Variants in SLC1A4 observed in about 807,000 individuals in gnomAD.
The protein encoded by SLC1A4 is neutral amino acid transporter A.
SLC1A4 carries 19 observed loss-of-function variants against 37.7 expected under a neutral mutation model. The ratio of observed to expected loss-of-function variants is 0.50; its 90% CI spans 0.35 to 0.74. SLC1A4 has a LOEUF of 0.74. Among genes scored for constraint, SLC1A4 ranks in the 30% least tolerant of loss-of-function variants. The pLI is 0.01. For missense variants in SLC1A4, 570 were observed against 712.9 expected (o/e 0.80, Z 2.28); for synonymous variants, 299 against 309.8 (o/e 0.97, Z 0.37).
intron 1 of SLC1A4, among the ~76,000 whole-genome samples, chr2:64,990,431 GGGC>G (rs1673010430): frequency 1.3e-5 from 2 of 152,172 alleles, no homozygotes; most frequent in Non-Finnish European, 2.9e-5. Flanking sequence ...ACCGTTAGGT[GGGC>G]GTTTGTTAGG....
upstream of SLC1A4, among the ~76,000 whole-genome samples, chr2:64,989,056 C>T (rs908762251): frequency 4.8e-4 from 73 of 152,214 alleles, no homozygotes; most frequent in African/African-American, 1.6e-3. Context: ...CCGGCAGGTG[C>T]CAAGGAGCCC....
Position 65,021,019 on chromosome 2 carries a change from AGGTG to A in SLC1A4, c.1473_1476del (p.Val492LysfsTer18). The stretch of plus-strand genomic sequence containing the variant: ...AAGAAAGGCGAGCAGGAACTTGCTG[AGGTG>A]AAAGTGGAAGCCATCCCCAACTGCA... On this transcript the variant is annotated frameshift_variant, in exon 8 of 8. Coordinates refer to ENST00000234256, the MANE Select transcript of SLC1A4 (RefSeq NM_003038.5). LOFTEE classifies it high-confidence loss of function. The A allele has an allele frequency of 6.2e-7, 1 of 1,614,236 alleles. No homozygotes were observed. The highest frequency in any genetic ancestry group is 8.5e-7 in the Non-Finnish European group (1 of 1,180,040).
At chr2:65,016,408 C>T (rs1334596689) in intron 4 of SLC1A4, 32 bp from the exon 5 acceptor site, 54 of 1,552,258 alleles carry the variant, frequency 3.5e-5, no homozygotes, top group Non-Finnish European at 4.8e-5. Flanking sequence ...GCTTTATCCC[C>T]CACTGATGAG....
chr2:65,008,905 C>T (rs145686382), intron 3 of SLC1A4, among the ~76,000 whole-genome samples: 2 of 152,294 alleles, frequency 1.3e-5, no homozygotes, highest in African/African-American at 2.4e-5. Context: ...GTCACAAAGA[C>T]GTTAAGTAAC....
At chr2:65,007,449 G>C (rs1673727546) in intron 3 of SLC1A4, among the ~76,000 whole-genome samples, 1 of 152,188 alleles carries the variant, frequency 6.6e-6, no homozygotes, top group Admixed American at 6.5e-5. Flanking sequence ...CTGGTTGCTT[G>C]TAGTCCCCTA....
upstream of SLC1A4, among the ~76,000 whole-genome samples, chr2:64,988,904 G>C (rs1381306714): frequency 1.3e-5 from 2 of 151,920 alleles, no homozygotes; most frequent in Non-Finnish European, 2.9e-5. Context: ...ACCCGGGAGA[G>C]AGGGATCCTC....
In SLC1A4 at chr2:65,018,707, A is replaced by G. The variant is rs1343241443; in HGVS notation, c.1364+28A>G. 1 of 1,613,382 alleles carries G rather than the reference A, an allele frequency of 6.2e-7. No homozygotes were observed. On this transcript the variant is annotated intron_variant, in intron 7 of 7. Transcript: ENST00000234256. This position sits in a 1 kb window ranked among gnomAD's most constrained non-coding sequence, Gnocchi z 4.3. ...AAGTAACAAGTCCTGAGAACACCAAAAAGAGTCTGCACTGAGTTCCCTAGG... is the reference window on the plus strand; with the variant it reads ...AAGTAACAAGTCCTGAGAACACCAAGAAGAGTCTGCACTGAGTTCCCTAGG...
At chr2:64,989,166 C>T (rs1024928869), upstream of SLC1A4, among the ~76,000 whole-genome samples, 1 of 151,662 alleles carries the variant, frequency 6.6e-6, no homozygotes, top group African/African-American at 2.4e-5. Flanking sequence ...GCCGGCGCCG[C>T]CCGCGCCCCC....
chr2:65,014,876 T>C (rs1001431538), intron 4 of SLC1A4, among the ~76,000 whole-genome samples: 1 of 152,222 alleles, frequency 6.6e-6, no homozygotes, highest in African/African-American at 2.4e-5. Context: ...ACCTATGGTA[T>C]TTCCATTCTG....
chr2:65,008,252 T>C (rs1231658356), intron 3 of SLC1A4, among the ~76,000 whole-genome samples: 1 of 152,104 alleles, frequency 6.6e-6, no homozygotes, highest in African/African-American at 2.4e-5. Context: ...GAGCCAGCAA[T>C]AAATCCCCCA....
At position 65,018,345 on chromosome 2, in the gene SLC1A4, C is replaced by T; in HGVS notation, c.1229+80C>T. ...CTTTGAAAAACCAATCTCACCACAACTTGGTGTCTCGCTCATAAAATGAGG... is the reference window on the plus strand; with the variant it reads ...CTTTGAAAAACCAATCTCACCACAATTTGGTGTCTCGCTCATAAAATGAGG... On this transcript the variant is annotated intron_variant, in intron 6 of 7. Transcript: ENST00000234256. The surrounding 1 kb of genome is among the most constrained non-coding windows in gnomAD (Gnocchi z 4.3). 6.8e-7 allele frequency: 1 copy of T among 1,466,490 alleles called. No homozygotes were observed. Among genetic ancestry groups the T allele is most frequent in the Non-Finnish European group, 9.4e-7 (1 of 1,068,372 alleles). 90.8% of individuals were successfully genotyped at this position (1,466,490 alleles called of 1,614,324 possible).
At chr2:64,999,986 C>A (rs1380528073) in intron 1 of SLC1A4, 1 of 152,152 alleles carries the variant, frequency 6.6e-6, no homozygotes. Context: ...ACTCTGCCTG[C>A]CACAGCTGGG....
At chr2:65,009,030 C>A (rs765468562) in intron 3 of SLC1A4, among the ~76,000 whole-genome samples, 1 of 152,134 alleles carries the variant, frequency 6.6e-6, no homozygotes, top group Non-Finnish European at 1.5e-5. Context: ...TAAACAAAAG[C>A]GCCCTATACG....
At chr2:65,013,637 G>A (rs879374248) in intron 4 of SLC1A4, among the ~76,000 whole-genome samples, 1 of 152,248 alleles carries the variant, frequency 6.6e-6, no homozygotes, top group Non-Finnish European at 1.5e-5. Context: ...TGCAGCAAGA[G>A]AGCGAGAGAC....
Position 64,989,624 on chromosome 2 carries a change from T to A in SLC1A4, c.-20T>A. On this transcript the variant is annotated 5_prime_UTR_variant, in exon 1 of 8. Transcript: ENST00000234256. Reference sequence around the variant, plus strand: ...GCCCACGTCCCCTGCCACCTCTAGCTCGGAGCGGCGTGTAGCGCCATGGAG... The same window carrying A: ...GCCCACGTCCCCTGCCACCTCTAGCACGGAGCGGCGTGTAGCGCCATGGAG... 1 of 1,477,876 alleles carries A rather than the reference T, an allele frequency of 6.8e-7. No homozygotes were observed. Among genetic ancestry groups the A allele is most frequent in the Non-Finnish European group, 8.9e-7 (1 of 1,120,398 alleles). The allele number at this position is 1,477,876 out of a possible 1,614,324, so 91.5% of individuals were successfully genotyped here.
chr2:65,012,183 G>T (rs1368854192), intron 4 of SLC1A4, among the ~76,000 whole-genome samples: 1 of 151,414 alleles, frequency 6.6e-6, no homozygotes, highest in East Asian at 1.9e-4. Flanking sequence ...TCCACCTCCC[G>T]GGTTCAAGCC....
In SLC1A4 at chr2:65,010,581, C is replaced by T. The variant is rs1673877775; in HGVS notation, c.634-16C>T. ...TCATCTGTTGTAAACTTGTTCTATCCTCTCTGATCCTGCAGATCCCCATAG... is the reference window on the plus strand; with the variant it reads ...TCATCTGTTGTAAACTTGTTCTATCTTCTCTGATCCTGCAGATCCCCATAG... On this transcript the variant is annotated splice_polypyrimidine_tract_variant and intron_variant, in intron 3 of 7. Coordinates refer to ENST00000234256, the MANE Select transcript of SLC1A4 (RefSeq NM_003038.5). 1 of 1,585,848 alleles carries T rather than the reference C, an allele frequency of 6.3e-7. No individual in the cohort carries two copies. Among genetic ancestry groups the T allele is most frequent in the Non-Finnish European group, 8.6e-7 (1 of 1,167,994 alleles).
chr2:65,003,605 T>C (rs3770705), intron 2 of SLC1A4, among the ~76,000 whole-genome samples: 35,234 of 152,110 alleles, frequency 0.23, 4,997 homozygotes, highest in Non-Finnish European at 0.32. Context: ...AATGCCAAGG[T>C]TATTCAAATA....
chr2:64,989,029 C>A (rs1417576463), upstream of SLC1A4, among the ~76,000 whole-genome samples: 1 of 152,174 alleles, frequency 6.6e-6, no homozygotes, highest in African/African-American at 2.4e-5. Flanking sequence ...ACTCAGATCC[C>A]GGCCGCGGGA....
Sources: gnomAD v4.1 joint callset for allele counts (sites outside exome capture counted in the v4.1 genomes callset) on GRCh38, gnomAD v4.1.1 for gene constraint, Gnocchi (gnomAD v3.1) non-coding constraint, MANE v1.5 for transcripts, NCBI Gene and HGNC (gene_info 2026-07-23, HGNC 2026-07-21) for gene names.